The following GCNT2 variants were observed in gnomAD, a reference collection of about 807,000 sequenced individuals.
GCNT2 encodes the protein N-acetyllactosaminide beta-1,6-N-acetylglucosaminyl-transferase.
Under a neutral mutation model 34.2 loss-of-function variants are expected in GCNT2, and 34 were observed. The observed-to-expected ratio is 1.00, with a 90% confidence interval of 0.76 to 1.32. The LOEUF (loss-of-function observed/expected upper bound fraction) is 1.32. Among genes scored for constraint, GCNT2 ranks in the 40% most tolerant of loss-of-function variants. GCNT2 has a pLI of 0.00. For missense variants in GCNT2, 584 were observed against 489.4 expected (o/e 1.19, Z -1.82); for synonymous variants, 212 against 188.0 (o/e 1.13, Z -1.04).
intron 3 of GCNT2, among the ~76,000 whole-genome samples, chr6:10,616,790 A>T (rs1272925713): frequency 6.6e-6 from 1 of 151,924 alleles, no homozygotes; most frequent in Non-Finnish European, 1.5e-5. Context: ...GCTAGACATA[A>T]AGTTTCTCCA....
intron 4 of GCNT2, among the ~76,000 whole-genome samples, chr6:10,622,224 T>G (rs561408331): frequency 4.6e-5 from 7 of 152,194 alleles, no homozygotes; most frequent in Non-Finnish European, 1.0e-4. Context: ...CACACTGCAT[T>G]CAGAATATTG....
At position 10,626,556 on chromosome 6, in the gene GCNT2, A is replaced by G. The variant is rs1766265806; in HGVS notation, c.1158A>G (p.Glu386=). ...AATGCCTAGAACTGAGGCATCGCGAAAGAACCCTCAATCAGAGTGAAACTG... is the reference window on the plus strand; with the variant it reads ...AATGCCTAGAACTGAGGCATCGCGAGAGAACCCTCAATCAGAGTGAAACTG... ...TVECLELRHR[E]RTLNQSETAI... Residue 386 remains glutamate (E), a synonymous_variant, in exon 5 of 5, where the codon GAA becomes GAG. Coordinates refer to ENST00000495262, the MANE Select transcript of GCNT2 (RefSeq NM_145649.5). The G allele has an allele frequency of 1.2e-6, 2 of 1,614,018 alleles. No individual in the cohort carries two copies.
chr6:10,527,522 T>TG lies in GCNT2; in HGVS notation c.-418dup, dbSNP rs1364164547. 3.3e-5 allele frequency: 5 copies of TG among 152,360 alleles called. No homozygotes were observed. Among genetic ancestry groups the TG allele is most frequent in the Admixed American group, 2.6e-4 (4 of 15,308 alleles). The allele number at this position is 152,360 out of a possible 1,614,324, so 9.4% of individuals were successfully genotyped here. A position where few individuals can be genotyped will look rare whatever the true frequency, so the allele number is the denominator to read the frequency against. ...GAGGAATACATGAGCTCGGCGCCAATGGAACATGCTTTCACACCGGGTGCA... is the reference window on the plus strand; with the variant it reads ...GAGGAATACATGAGCTCGGCGCCAATGGGAACATGCTTTCACACCGGGTGCA... On this transcript the variant is annotated 5_prime_UTR_variant, in exon 2 of 5. An upstream open reading frame in the 5' UTR gains an earlier in-frame stop. Transcript: ENST00000495262.
chr6:10,597,408 G>GC (rs1764904363), intron 3 of GCNT2, among the ~76,000 whole-genome samples: 1 of 151,624 alleles, frequency 6.6e-6, no homozygotes, highest in African/African-American at 2.4e-5. Flanking sequence ...GCTTGCCTCA[G>GC]CCCCCCAGAG....
At chr6:10,605,393 A>G (rs1385737975) in intron 3 of GCNT2, among the ~76,000 whole-genome samples, 1 of 148,144 alleles carries the variant, frequency 6.8e-6, no homozygotes, top group Non-Finnish European at 1.5e-5. Context: ...TTTTCTTTGT[A>G]GAGACAGAAT....
chr6:10,551,996 T>G (rs1762504902), intron 3 of GCNT2, among the ~76,000 whole-genome samples: 1 of 152,060 alleles, frequency 6.6e-6, no homozygotes, highest in Non-Finnish European at 1.5e-5. Context: ...TGACCTCAGG[T>G]GATCCACCCA....
At chr6:10,564,212 C>T (rs1763176116) in intron 3 of GCNT2, among the ~76,000 whole-genome samples, 3 of 152,118 alleles carry the variant, frequency 2.0e-5, no homozygotes, top group Non-Finnish European at 2.9e-5. Context: ...TACTTAAATC[C>T]ACATTTTGCA....
At chr6:10,549,362 G>C (rs1376542725) in intron 3 of GCNT2, among the ~76,000 whole-genome samples, 3 of 152,088 alleles carry the variant, frequency 2.0e-5, no homozygotes, top group Admixed American at 6.6e-5. Flanking sequence ...CATTTCTGTT[G>C]AGTAAATACT....
Position 10,529,822 on chromosome 6 carries a change from T to C in GCNT2, c.911T>C (p.Leu304Pro). The C allele has an allele frequency of 6.2e-6, 10 of 1,613,012 alleles. No homozygotes were observed. The highest frequency in any genetic ancestry group is 8.5e-6 in the Non-Finnish European group (10 of 1,179,028). ...YSPDEHFWVT[L>P]NRIPGVPGSM... is the part of the protein sequence containing the mutation. ...CCCGACGAACATTTCTGGGTGACACTCAACAGGATTCCCGGTATGTACGTC... is the reference window on the plus strand; with the variant it reads ...CCCGACGAACATTTCTGGGTGACACCCAACAGGATTCCCGGTATGTACGTC... The change falls in exon 3 of 5, where the codon CTC becomes CCC. Residue 304 changes from leucine to proline, a missense_variant. By Grantham distance (98) the Leu-to-Pro change is moderately conservative. Transcript: ENST00000495262.
rs911185488 is a variant in GCNT2, at chr6:10,584,150, G to A, written c.926-37201G>A. Among the ~76,000 whole-genome samples, 9 of 152,142 alleles carry A rather than the reference G, an allele frequency of 5.9e-5. No individual in the cohort carries two copies. The East Asian group carries it at 1.2e-3, about 20-fold the overall frequency. ...TGATCACTATTTTTCCTATCTTGGC[G>A]AGGGGAATGTGGTGGGGCTATAGGG... On this transcript the variant is annotated intron_variant, in intron 3 of 4. Coordinates refer to ENST00000495262, the MANE Select transcript of GCNT2 (RefSeq NM_145649.5).
rs985976832 is a variant in GCNT2 at position 10,624,050 on chromosome 6, G to A, written c.1019-2367G>A. ...GCAGAGTATTGGTGGGGAGTGTTGC[G>A]GAACTCTCTTAAGACAAACCCACCA... On this transcript the variant is annotated intron_variant, in intron 4 of 4. Transcript: ENST00000495262. Among the ~76,000 whole-genome samples the A allele has an allele frequency of 3.9e-5, 6 of 152,012 alleles. No individual in the cohort carries two copies. The South Asian group carries it at 6.2e-4, about 16-fold the overall frequency.
chr6:10,539,429 T>TCCGCC (rs1403927654), intron 3 of GCNT2, among the ~76,000 whole-genome samples: 1 of 151,926 alleles, frequency 6.6e-6, no homozygotes, highest in African/African-American at 2.4e-5. Flanking sequence ...CCTCAGGCGA[T>TCCGCC]CCGCCCACCT....
intron 3 of GCNT2, chr6:10,585,929 C>A: frequency 3.7e-6 from 6 of 1,606,082 alleles, no homozygotes; most frequent in Non-Finnish European, 5.1e-6. Flanking sequence ...TTCAACCTCT[C>A]ACACCGATCA....
At chr6:10,603,215 T>G (rs936398279) in intron 3 of GCNT2, among the ~76,000 whole-genome samples, 39 of 152,330 alleles carry the variant, frequency 2.6e-4, no homozygotes, top group African/African-American at 9.4e-4. Context: ...TAAGGAAACC[T>G]CATACATCTC....
chr6:10,569,529 T>A (rs573799311), intron 3 of GCNT2, among the ~76,000 whole-genome samples: 207 of 152,272 alleles, frequency 1.4e-3, no homozygotes, highest in Non-Finnish European at 5.3e-4. Flanking sequence ...GCTCCTCTGT[T>A]CTTGGGCAAC....
In GCNT2 at chr6:10,529,564, G is replaced by A; in HGVS notation, c.653G>A (p.Gly218Glu). ...KGFKGKNITP[G>E]VLPPDHAVGR... ...TTTAAAGGGAAAAATATCACCCCCG[G>A]AGTGCTGCCTCCTGACCACGCTGTT... The change falls in exon 3 of 5, where the codon GGA becomes GAA. Residue 218 changes from glycine to glutamate, a missense_variant. Coordinates refer to ENST00000495262, the MANE Select transcript of GCNT2 (RefSeq NM_145649.5). The A allele has an allele frequency of 1.2e-6, 2 of 1,614,100 alleles. No homozygotes were observed. Among genetic ancestry groups the A allele is most frequent in the Non-Finnish European group, 8.5e-7 (1 of 1,179,998 alleles).
chr6:10,529,574 T>C lies in GCNT2; in HGVS notation c.663T>C (p.Pro221=), dbSNP rs1345239240. 3.7e-6 allele frequency: 6 copies of C among 1,614,028 alleles called. No homozygotes were observed. Among genetic ancestry groups the C allele is most frequent in the Non-Finnish European group, 5.1e-6 (6 of 1,180,012 alleles). Residue 221 remains proline, a synonymous_variant, in exon 3 of 5, where the codon CCT becomes CCC. Transcript: ENST00000495262. ...AAAATATCACCCCCGGAGTGCTGCC[T>C]CCTGACCACGCTGTTGGACGGACTA... is the stretch of plus-strand genomic sequence containing the variant. The part of the protein sequence containing the change: ...KGKNITPGVL[P]PDHAVGRTKY...
intron 3 of GCNT2, among the ~76,000 whole-genome samples, chr6:10,571,889 A>C (rs1255492540): frequency 6.7e-6 from 1 of 149,730 alleles, no homozygotes; most frequent in Admixed American, 6.6e-5. Flanking sequence ...GATGATTTGC[A>C]CGCCTGCCCC....
chr6:10,555,803 G>A, intron 3 of GCNT2: 1 of 985,416 alleles, frequency 1.0e-6, no homozygotes, highest in Non-Finnish European at 1.2e-6. Flanking sequence ...TTTTATTTGA[G>A]ATGTCACTTG....
Sources: gnomAD v4.1 joint callset for allele counts (sites outside exome capture counted in the v4.1 genomes callset) on GRCh38, gnomAD v4.1.1 for gene constraint, MANE v1.5 for transcripts, NCBI Gene and HGNC (gene_info 2026-07-23, HGNC 2026-07-21) for gene names.